VTI1A: variants seen among roughly 807,000 people sequenced by gnomAD.
The protein encoded by VTI1A is vesicle transport through interaction with t-SNAREs homolog 1A.
In VTI1A, 22 loss-of-function variants were observed where a neutral mutation model predicts 34.9. The observed-to-expected ratio is 0.63, with a 90% CI of 0.45 to 0.90. The LOEUF is 0.90. VTI1A is among the 40% of genes least tolerant of loss of function. VTI1A has a pLI of 0.00. For synonymous variants in VTI1A, 87 were observed against 97.3 expected (o/e 0.89, Z 0.62); for missense variants, 268 against 275.6 (o/e 0.97, Z 0.20).
chr10:112,795,019 C>T lies in VTI1A; in HGVS notation c.561-20271C>T, dbSNP rs570378101. On this transcript the variant is annotated intron_variant, in intron 7 of 7. Coordinates refer to ENST00000393077, the MANE Select transcript of VTI1A (RefSeq NM_145206.4). Reference sequence around the variant, plus strand: ...CACGTGTGATCTAATTTCAGCATCACAAGAACCCATGAGATAGGAAAAAAG... The same window carrying T: ...CACGTGTGATCTAATTTCAGCATCATAAGAACCCATGAGATAGGAAAAAAG... 1.3e-4 allele frequency among the ~76,000 whole-genome samples: 20 copies of T among 152,224 alleles called. No homozygotes were observed. In the South Asian group the frequency reaches 2.9e-3, roughly 22 times the overall value.
At chr10:112,847,925 G>A in the VTI1A span, among the ~76,000 whole-genome samples, 1 of 152,100 alleles carries the variant, frequency 6.6e-6, no homozygotes, top group African/African-American at 2.4e-5. Flanking sequence ...TATAAGTAAA[G>A]AAGAAACCAT....
At chr10:112,570,111 G>A (rs567555500) in intron 5 of VTI1A, among the ~76,000 whole-genome samples, 1 of 152,118 alleles carries the variant, frequency 6.6e-6, no homozygotes, top group Admixed American at 6.5e-5. Flanking sequence ...CTTTTTGTTG[G>A]TCTTTTTTCA....
Position 112,447,324 on chromosome 10 carries a change from C to A in VTI1A, c.-50C>A. Reference sequence around the variant, plus strand: ...CGGGGCCCCTCGCTGCCCCTCGAGGCCCTTTCCCTGACCTAGGCTTTGGCC... The same window carrying A: ...CGGGGCCCCTCGCTGCCCCTCGAGGACCTTTCCCTGACCTAGGCTTTGGCC... On this transcript the variant is annotated 5_prime_UTR_variant, in exon 1 of 8. Coordinates refer to ENST00000393077, the MANE Select transcript of VTI1A (RefSeq NM_145206.4). The A allele has an allele frequency of 6.3e-7, 1 of 1,584,246 alleles. No homozygotes were observed. The highest frequency in any genetic ancestry group is 8.6e-7 in the Non-Finnish European group (1 of 1,163,476).
At chr10:112,736,111 G>GTATATATATATATATA (rs372188173) in intron 7 of VTI1A, among the ~76,000 whole-genome samples, 1,209 of 115,980 alleles carry the variant, frequency 0.01, 30 homozygotes, top group African/African-American at 0.023. Context: ...ATGTGTGTGT[G>GTATATATATATATATA]TATATATATA....
chr10:112,447,034 AGAACACG>A, upstream of VTI1A: 1 of 300,126 alleles, frequency 3.3e-6, no homozygotes, highest in Non-Finnish European at 6.6e-6. Context: ...GCCGATTCCC[AGAACACG>A]AAGGGGGGAA....
At chr10:112,612,341 G>T (rs1387191450) in intron 5 of VTI1A, among the ~76,000 whole-genome samples, 1 of 152,110 alleles carries the variant, frequency 6.6e-6, no homozygotes, top group African/African-American at 2.4e-5. Context: ...CATACATTTG[G>T]ATAACCTAGA....
rs559269366 is a variant in VTI1A, at chr10:112,806,308, C to T, written c.561-8982C>T. Among the ~76,000 whole-genome samples the T allele has an allele frequency of 3.3e-5, 5 of 152,106 alleles. No individual in the cohort carries two copies. The East Asian group carries it at 7.7e-4, about 24-fold the overall frequency. ...TTTTTTTATTATTTTATTTTTGAGA[C>T]GGAGTCTCACTCTGTCACCCAGGGT... On this transcript the variant is annotated intron_variant, in intron 7 of 7. Coordinates refer to ENST00000393077, the MANE Select transcript of VTI1A (RefSeq NM_145206.4).
chr10:112,737,981 G>A (rs1285145658), intron 7 of VTI1A: 5 of 735,388 alleles, frequency 6.8e-6, no homozygotes, highest in African/African-American at 1.9e-5. Flanking sequence ...CAAGTCCTCC[G>A]ATGTCCAGAG....
intron 3 of VTI1A, among the ~76,000 whole-genome samples, chr10:112,503,113 T>C (rs1849298507): frequency 6.6e-6 from 1 of 152,210 alleles, no homozygotes; most frequent in Admixed American, 6.5e-5. Flanking sequence ...TTCTTTATGC[T>C]AGGAACATTC....
chr10:112,707,133 T>C (rs947808377), intron 7 of VTI1A, among the ~76,000 whole-genome samples: 5 of 152,004 alleles, frequency 3.3e-5, no homozygotes, highest in Non-Finnish European at 4.4e-5. Context: ...CATTGAACCA[T>C]TGGGGGTTTT....
At chr10:112,792,706 C>T (rs1852526499) in intron 7 of VTI1A, among the ~76,000 whole-genome samples, 1 of 152,178 alleles carries the variant, frequency 6.6e-6, no homozygotes, top group South Asian at 2.1e-4. Context: ...TCAATGAAGC[C>T]TCCTGGCTGT....
At chr10:112,469,424 A>G (rs887003136) in intron 3 of VTI1A, among the ~76,000 whole-genome samples, 2 of 152,180 alleles carry the variant, frequency 1.3e-5, no homozygotes, top group African/African-American at 4.8e-5. Flanking sequence ...AAGATTCATC[A>G]TACTCCCAAG....
chr10:112,590,253 A>G (rs1844338346), intron 5 of VTI1A, among the ~76,000 whole-genome samples: 1 of 152,178 alleles, frequency 6.6e-6, no homozygotes, highest in Admixed American at 6.5e-5. Context: ...TACTTAGTGA[A>G]TCAGAGAATG....
chr10:112,647,448 A>G (rs1295809279), intron 5 of VTI1A, among the ~76,000 whole-genome samples: 1 of 152,226 alleles, frequency 6.6e-6, no homozygotes, highest in Non-Finnish European at 1.5e-5. Flanking sequence ...AGTCTCTCAT[A>G]CTAGGTTCTG....
chr10:112,646,831 G>T (rs1351857442), intron 5 of VTI1A, among the ~76,000 whole-genome samples: 1 of 152,086 alleles, frequency 6.6e-6, no homozygotes, highest in Non-Finnish European at 1.5e-5. Flanking sequence ...TTTGTTAGTT[G>T]ATACAACACC....
chr10:112,592,687 A>C (rs1844438536), intron 5 of VTI1A, among the ~76,000 whole-genome samples: 1 of 152,236 alleles, frequency 6.6e-6, no homozygotes, highest in African/African-American at 2.4e-5. Flanking sequence ...CATTTGGAAT[A>C]TATGTCATCC....
intron 3 of VTI1A, among the ~76,000 whole-genome samples, chr10:112,499,033 C>T (rs1849127896): frequency 6.6e-6 from 1 of 152,048 alleles, no homozygotes; most frequent in African/African-American, 2.4e-5. Flanking sequence ...GAAGAAATAA[C>T]CAGGCTTTGG....
rs61436886 is a variant in VTI1A, at chr10:112,585,663, CTTTTTTT to C, written c.427+47347_427+47353del. On this transcript the variant is annotated intron_variant, in intron 5 of 7. Transcript: ENST00000393077. ...AGAAACAACAAAAGATTGTGGATTT[CTTTTTTT>C]TTTTTTTTTTTTTGGTTGTGTCACA... is the stretch of plus-strand genomic sequence containing the variant. Among the ~76,000 whole-genome samples the C allele has an allele frequency of 1.4e-3, 167 of 117,298 alleles. 1 individual carries two copies. The highest frequency in any genetic ancestry group is 1.1e-3 in the South Asian group (4 of 3,490). The allele number at this position is 117,298 out of a possible 152,430, so 77.0% of individuals were successfully genotyped here.
chr10:112,546,273 T>C (rs1425929448), intron 5 of VTI1A, among the ~76,000 whole-genome samples: 2 of 152,088 alleles, frequency 1.3e-5, no homozygotes, highest in East Asian at 1.9e-4. Flanking sequence ...ATAGTTAATA[T>C]GTATACTCCT....
Sources: gnomAD v4.1 joint callset for allele counts (sites outside exome capture counted in the v4.1 genomes callset) on GRCh38, gnomAD v4.1.1 for gene constraint, MANE v1.5 for transcripts, NCBI Gene and HGNC (gene_info 2026-07-23, HGNC 2026-07-21) for gene names.